The following CARMIL2 variants were observed in gnomAD, a reference collection of about 807,000 sequenced individuals.
CARMIL2 encodes capping protein regulator and myosin 1 linker 2.
CARMIL2 carries 96 observed loss-of-function variants against 173.3 expected under a neutral mutation model. The observed-to-expected ratio is 0.55, with a 90% CI of 0.47 to 0.66. The LOEUF (loss-of-function observed/expected upper bound fraction) is 0.66, where lower values mean the gene tolerates loss of function less well. Ranked by LOEUF, CARMIL2 falls within the 30% of genes least tolerant of loss-of-function variation. The probability of loss-of-function intolerance (pLI) is 0.00; values close to 1 mark genes in which losing one functional copy is unlikely to be tolerated. For missense variants in CARMIL2, 1,771 were observed against 1,906.7 expected, an observed-to-expected ratio of 0.93 and a Z score of 1.33; for synonymous variants, 830 against 817.1, an observed-to-expected ratio of 1.02 and a Z score of -0.27.
intron 9 of CARMIL2, 32 bp downstream of exon 9, chr16:67,647,223 G>C: frequency 1.2e-6 from 2 of 1,613,018 alleles, no homozygotes; most frequent in East Asian, 2.2e-5. Context: ...GCAGGGAGGG[G>C]CCAAGGGTGT....
Position 67,652,066 on chromosome 16 carries a change from A to C in CARMIL2, c.2676+58A>C. ...AACACACACATGCAGTGACTTGGCC[A>C]TCTCCCTTGCAGGGGCTCTGTAATG... On this transcript the variant is annotated intron_variant, in intron 26 of 37. Transcript: ENST00000334583. This position sits in a 1 kb window ranked among gnomAD's most constrained non-coding sequence, Gnocchi z 4.7. 6.2e-7 allele frequency: 1 copy of C among 1,606,192 alleles called. No individual in the cohort carries two copies. The highest frequency in any genetic ancestry group is 8.5e-7 in the Non-Finnish European group (1 of 1,173,720).
At chr16:67,656,702 T>C in intron 35 of CARMIL2, 57 bp downstream of exon 35, 1 of 1,557,028 alleles carries the variant, frequency 6.4e-7, no homozygotes, top group Non-Finnish European at 8.7e-7. Context: ...GAGGAGTTCC[T>C]GCTGGGAACT....
In CARMIL2 at chr16:67,648,811, G is replaced by A; in HGVS notation, c.1509+57G>A. ...TTGGGAGAGGCGCTGGGAGGCGGAAGGGCAGGGCCGTGGGCCGCCTGCCCC... is the reference window on the plus strand; with the variant it reads ...TTGGGAGAGGCGCTGGGAGGCGGAAAGGCAGGGCCGTGGGCCGCCTGCCCC... On this transcript the variant is annotated intron_variant, in intron 16 of 37. Transcript: ENST00000334583. The surrounding 1 kb of genome is among the most constrained non-coding windows in gnomAD (Gnocchi z 6.1). 1.3e-6 allele frequency: 2 copies of A among 1,566,814 alleles called. No homozygotes were observed. The highest frequency in any genetic ancestry group is 1.4e-5 in the African/African-American group (1 of 73,782).
chr16:67,646,693 G>A lies in CARMIL2; in HGVS notation c.467-21G>A, dbSNP rs1179722923. 20 of 1,612,488 alleles carry A rather than the reference G, an allele frequency of 1.2e-5. No homozygotes were observed. Among genetic ancestry groups the A allele is most frequent in the Admixed American group, 5.0e-5 (3 of 59,974 alleles). ...TTTTGTCTCTCTCCTTTTCCACATCGCACCCCTATCCCCTCCCCAGGTGGC... is the reference window on the plus strand; with the variant it reads ...TTTTGTCTCTCTCCTTTTCCACATCACACCCCTATCCCCTCCCCAGGTGGC... On this transcript the variant is annotated intron_variant, in intron 6 of 37. Transcript: ENST00000334583. The surrounding 1 kb of genome is among the most constrained non-coding windows in gnomAD (Gnocchi z 4.6).
Position 67,650,229 on chromosome 16 carries a change from G to GGCC in CARMIL2, c.2184+79_2184+80insGCC, listed in dbSNP as rs2052699084. 25 of 1,244,920 alleles carry GGCC rather than the reference G, an allele frequency of 2.0e-5. No individual in the cohort carries two copies. In the South Asian group the frequency reaches 2.2e-4, roughly 11 times the overall value. 77.1% of individuals were successfully genotyped at this position (1,244,920 alleles called of 1,614,324 possible). A position where few individuals can be genotyped will look rare whatever the true frequency, so the allele number is the denominator to read the frequency against. ...TCCGGGAGCCTCCATGAGTCAGAGG[G>GGCC]TCTGACTTTCCTGGGGCCAGGGTGC... On this transcript the variant is annotated intron_variant, in intron 22 of 37. Transcript: ENST00000334583.
In CARMIL2 at chr16:67,649,801, C is replaced by T; in HGVS notation, c.1920-5C>T. On this transcript the variant is annotated splice_region_variant and splice_polypyrimidine_tract_variant and intron_variant, in intron 20 of 37. Coordinates refer to ENST00000334583, the MANE Select transcript of CARMIL2 (RefSeq NM_001013838.3). This position sits in a 1 kb window ranked among gnomAD's most constrained non-coding sequence, Gnocchi z 6.7. ...CGTCCCCGACTGAAGCCAGGCCCGGCCCAGGTCTGTGGTCTGGGACCGGAA... is the reference window on the plus strand; with the variant it reads ...CGTCCCCGACTGAAGCCAGGCCCGGTCCAGGTCTGTGGTCTGGGACCGGAA... 6.2e-7 allele frequency: 1 copy of T among 1,609,508 alleles called. No homozygotes were observed. The highest frequency in any genetic ancestry group is 8.5e-7 in the Non-Finnish European group (1 of 1,177,730).
rs756164940 is a variant in CARMIL2 at position 67,656,857 on chromosome 16, G to A, written c.4093G>A (p.Glu1365Lys). 31 of 1,550,206 alleles carry A rather than the reference G, an allele frequency of 2.0e-5. No individual in the cohort carries two copies. The South Asian group carries it at 3.7e-4, about 18-fold the overall frequency. ...SAGRRAVSVH[E>K]DQLQAPAERP... ...AGGGCGGCGAGCAGTGTCTGTGCATGAGGACCAGCTCCAGGCCCCTGCTGG... is the reference window on the plus strand; with the variant it reads ...AGGGCGGCGAGCAGTGTCTGTGCATAAGGACCAGCTCCAGGCCCCTGCTGG... The change falls in exon 36 of 38, where the codon GAG (glutamate) becomes AAG (lysine). Residue 1365 changes from glutamate to lysine, a missense_variant. Physicochemically the swap from Glu to Lys is moderately conservative, Grantham distance 56. Around this residue, in one of 3 missense-constraint regions of CARMIL2, gnomAD observed 817 missense variants for 903.5 expected, o/e 0.90. Coordinates refer to ENST00000334583, the MANE Select transcript of CARMIL2 (RefSeq NM_001013838.3).
Position 67,654,711 on chromosome 16 carries a change from G to C in CARMIL2, c.3582+19G>C. 1 of 1,601,940 alleles carries C rather than the reference G, an allele frequency of 6.2e-7. No homozygotes were observed. Among genetic ancestry groups the C allele is most frequent in the East Asian group, 2.2e-5 (1 of 44,758 alleles). On this transcript the variant is annotated intron_variant, in intron 31 of 37. Transcript: ENST00000334583. ...CGACAAGGTGAGGCTTGCTGATGGGGGGTGGTGAAGGCGCTTCTGGGACCC... is the reference window on the plus strand; with the variant it reads ...CGACAAGGTGAGGCTTGCTGATGGGCGGTGGTGAAGGCGCTTCTGGGACCC...
chr16:67,653,914 G>A lies in CARMIL2; in HGVS notation c.3121-235G>A, dbSNP rs527858701. Among the ~76,000 whole-genome samples, 3 of 152,262 alleles carry A rather than the reference G, an allele frequency of 2.0e-5. No homozygotes were observed. In the East Asian group the frequency reaches 5.8e-4, roughly 29 times the overall value. On this transcript the variant is annotated intron_variant, in intron 29 of 37. Coordinates refer to ENST00000334583, the MANE Select transcript of CARMIL2 (RefSeq NM_001013838.3). This position sits in a 1 kb window ranked among gnomAD's most constrained non-coding sequence, Gnocchi z 7.4. ...GGCTCGGGCGTGTAGGATACTCTGTGGGACAAGGACGGGTGTGGACTGGGT... is the reference window on the plus strand; with the variant it reads ...GGCTCGGGCGTGTAGGATACTCTGTAGGACAAGGACGGGTGTGGACTGGGT...
rs759156083 is a variant in CARMIL2, at chr16:67,654,248, C to G, written c.3220C>G (p.Leu1074Val). ...CAAAAGGCTGATCCAGCAGGATCGC[C>G]TGTGAGTGAGGGGCATCTGCTGGGG... ...FSKRLIQQDRLWAPEEDPATE... is the reference protein window; with the variant it reads ...FSKRLIQQDRVWAPEEDPATE... Residue 1074 changes from leucine (L) to valine (V), a missense_variant and splice_region_variant, in exon 30 of 38, where the codon CTC becomes GTC. Leu to Val is a conservative substitution (Grantham distance 32). This residue lies in a region of CARMIL2 where 817 missense variants were observed against 903.5 expected (regional missense o/e 0.90). Coordinates refer to ENST00000334583, the MANE Select transcript of CARMIL2 (RefSeq NM_001013838.3). The G allele has an allele frequency of 8.3e-6, 13 of 1,569,046 alleles. No individual in the cohort carries two copies. The South Asian group carries it at 1.5e-4, about 18-fold the overall frequency.
rs752412977 is a variant in CARMIL2, at chr16:67,647,164, G to C, written c.660G>C (p.Arg220=). Residue 220 remains arginine, a synonymous_variant, in exon 9 of 38, where the codon CGG becomes CGC. Transcript: ENST00000334583. ...VAALSYNLWF[R]CLSCVDMKLS... is the part of the protein sequence containing the mutation. ...CCCTGTCCTACAACCTGTGGTTCCGGTGCCTCTCCTGTGTGGACATGAAGC... is the reference window on the plus strand; with the variant it reads ...CCCTGTCCTACAACCTGTGGTTCCGCTGCCTCTCCTGTGTGGACATGAAGC... The C allele has an allele frequency of 5.0e-6, 8 of 1,613,750 alleles. No homozygotes were observed. Among genetic ancestry groups the C allele is most frequent in the Non-Finnish European group, 6.8e-6 (8 of 1,179,898 alleles).
At chr16:67,645,845 G>T in intron 3 of CARMIL2, 68 bp downstream of exon 3, 1 of 1,592,072 alleles carries the variant, frequency 6.3e-7, no homozygotes, top group Admixed American at 1.7e-5. Context: ...TGCATCTGCA[G>T]AGTGGTCCTT....
At position 67,650,418 on chromosome 16, in the gene CARMIL2, A is replaced by T. The variant is rs2052702432; in HGVS notation, c.2184+268A>T. ...TTATGTCCTTCCTCAATTTTCCCCC[A>T]ATTGTAGCCCCATCTCTGTCCTCAC... On this transcript the variant is annotated intron_variant, in intron 22 of 37. Transcript: ENST00000334583. 11 of 532,568 alleles carry T rather than the reference A, an allele frequency of 2.1e-5. No individual in the cohort carries two copies. In the South Asian group the frequency reaches 2.3e-4, roughly 11 times the overall value. The allele number at this position is 532,568 out of a possible 1,614,324, so 33.0% of individuals were successfully genotyped here. A position where few individuals can be genotyped will look rare whatever the true frequency, so the allele number is the denominator to read the frequency against.
chr16:67,651,428 A>G lies in CARMIL2; in HGVS notation c.2341A>G (p.Ser781Gly), dbSNP rs751963763. 5.7e-6 allele frequency: 9 copies of G among 1,591,584 alleles called. No homozygotes were observed. In the Admixed American group the frequency reaches 1.6e-4, roughly 27 times the overall value. The part of the protein sequence containing the change: ...SILPILYEAG[S>G]SPSHHWQLGQ... ...TCTCCCCATTCTATATGAAGCTGGA[A>G]GCTCCCCAAGCCATCACTGGCAGCT... Residue 781 changes from serine (S) to glycine (G), a missense_variant, in exon 24 of 38, where the codon AGC becomes GGC. Ser to Gly is a moderately conservative substitution (Grantham distance 56, BLOSUM62 0). Transcript: ENST00000334583. This position sits in a 1 kb window ranked among gnomAD's most constrained non-coding sequence, Gnocchi z 4.2.
intron 33 of CARMIL2, 39 bp from the exon 34 acceptor site, chr16:67,656,189 C>G: frequency 1.2e-6 from 2 of 1,612,964 alleles, no homozygotes; most frequent in Non-Finnish European, 8.5e-7. Context: ...CCCCTCACCT[C>G]CAAGGTCTGG....
intron 32 of CARMIL2, 68 bp downstream of exon 32, chr16:67,654,968 A>G: frequency 8.2e-6 from 13 of 1,582,444 alleles, no homozygotes; most frequent in Non-Finnish European, 1.1e-5. Context: ...ATAAGTGACC[A>G]AGATGGAGGA....
At position 67,648,488 on chromosome 16, in the gene CARMIL2, G is replaced by A; in HGVS notation, c.1425G>A (p.Pro475=). The change falls in exon 15 of 38, where the codon CCG becomes CCA. Residue 475 remains proline (P), a synonymous_variant. Coordinates refer to ENST00000334583, the MANE Select transcript of CARMIL2 (RefSeq NM_001013838.3). The surrounding 1 kb of genome is among the most constrained non-coding windows in gnomAD (Gnocchi z 6.1). The stretch of plus-strand genomic sequence containing the variant: ...TGGGCCTGGCGGGCTGCAAGCTGCC[G>A]CCCGACGCGCTCAGGTCAGTGTCGG... ...RHLGLAGCKL[P]PDALRALLDG... The A allele has an allele frequency of 7.0e-7, 1 of 1,434,666 alleles. No individual in the cohort carries two copies. The highest frequency in any genetic ancestry group is 1.5e-5 in the South Asian group (1 of 67,238). The allele number at this position is 1,434,666 out of a possible 1,614,324, so 88.9% of individuals were successfully genotyped here.
At chr16:67,647,808 G>T (rs1326156101) in intron 12 of CARMIL2, 38 bp from the exon 13 acceptor site, 2 of 1,524,142 alleles carry the variant, frequency 1.3e-6, no homozygotes, top group Non-Finnish European at 1.8e-6. Context: ...GGGGGTGGGG[G>T]TCTGTCCAAC....
In CARMIL2 at chr16:67,654,089, G is replaced by GT. The variant is rs1438867263; in HGVS notation, c.3121-60_3121-59insT. The GT allele has an allele frequency of 3.6e-6, 4 of 1,110,556 alleles. No individual in the cohort carries two copies. In the South Asian group the frequency reaches 4.7e-5, roughly 13 times the overall value. The allele number at this position is 1,110,556 out of a possible 1,614,324, so 68.8% of individuals were successfully genotyped here. A position where few individuals can be genotyped will look rare whatever the true frequency, so the allele number is the denominator to read the frequency against. ...AGTCCAGGCTGCCGGCCGGGGGGGGGGGGGGGTAGAAGCCAGAGTTGCACT... is the reference window on the plus strand; with the variant it reads ...AGTCCAGGCTGCCGGCCGGGGGGGGGTGGGGGGTAGAAGCCAGAGTTGCACT... On this transcript the variant is annotated intron_variant, in intron 29 of 37. Transcript: ENST00000334583.
Sources: gnomAD v4.1 joint callset for allele counts (sites outside exome capture counted in the v4.1 genomes callset) on GRCh38, gnomAD v4.1.1 for gene constraint, gnomAD v4.1.1 regional missense constraint, Gnocchi (gnomAD v3.1) non-coding constraint, MANE v1.5 for transcripts, NCBI Gene and HGNC (gene_info 2026-07-23, HGNC 2026-07-21) for gene names.